Variants in ECD observed in about 807,000 individuals in gnomAD.
ECD encodes the protein protein ecdysoneless homolog.
ECD carries 59 observed loss-of-function variants against 77.2 expected under a neutral mutation model. That is an observed-to-expected ratio of 0.76 (90% CI 0.62 to 0.95). ECD has a LOEUF of 0.95. Ranked by LOEUF, ECD falls within the 40% of genes least tolerant of loss-of-function variation. The pLI is 0.00. For missense variants in ECD, 704 were observed against 763.4 expected, an observed-to-expected ratio of 0.92 and a Z score of 0.92; for synonymous variants, 233 against 267.4, an observed-to-expected ratio of 0.87 and a Z score of 1.26.
At chr10:73,139,810 T>TA in intron 9 of ECD, 73 bp from the exon 10 acceptor site, 4 of 1,128,804 alleles carry the variant, frequency 3.5e-6, no homozygotes, top group Non-Finnish European at 5.0e-6. Context: ...ACATAGTATT[T>TA]TAAGGTTGGA....
chr10:73,143,237 C>T (rs1843080953), intron 9 of ECD, among the ~76,000 whole-genome samples: 1 of 152,160 alleles, frequency 6.6e-6, no homozygotes, highest in Non-Finnish European at 1.5e-5. Flanking sequence ...GGTGCGATGT[C>T]GGCTCACTGC....
At chr10:73,138,920 A>T (rs1843012717) in intron 11 of ECD, among the ~76,000 whole-genome samples, 1 of 151,786 alleles carries the variant, frequency 6.6e-6, no homozygotes, top group African/African-American at 2.4e-5. Context: ...ATGTAGTTTC[A>T]TATTTCTGTT....
chr10:73,158,254 C>G (rs1843326641), intron 3 of ECD, among the ~76,000 whole-genome samples: 1 of 152,010 alleles, frequency 6.6e-6, no homozygotes, highest in Admixed American at 6.5e-5. Flanking sequence ...AGCCACCGCC[C>G]CAGGCCTACA....
chr10:73,136,166 C>A (rs1399193508), intron 13 of ECD, among the ~76,000 whole-genome samples: 1 of 152,024 alleles, frequency 6.6e-6, no homozygotes, highest in Admixed American at 6.6e-5. Flanking sequence ...ACAGTGGTGG[C>A]ATTAAAAACT....
At chr10:73,154,883 G>A (rs1428746037) in intron 5 of ECD, among the ~76,000 whole-genome samples, 6 of 151,676 alleles carry the variant, frequency 4.0e-5, no homozygotes, top group Non-Finnish European at 8.8e-5. Context: ...GCAGTGAGCC[G>A]AGATCACGCC....
Position 73,139,433 on chromosome 10 carries a change from T to C in ECD, c.1297A>G (p.Lys433Glu), listed in dbSNP as rs1245726453. 6.2e-7 allele frequency: 1 copy of C among 1,614,080 alleles called. No homozygotes were observed. Among genetic ancestry groups the C allele is most frequent in the African/African-American group, 1.3e-5 (1 of 74,940 alleles). ...TTGGAAACAGACTCGGATTCTTTTT[T>C]GCCAACAGCTTCCTGCAGCAGCTGG... The part of the protein sequence containing the change: ...LDQLLQEAVG[K>E]KESESVSKEE... Residue 433 changes from lysine (K) to glutamate (E), a missense_variant, in exon 11 of 14, where the codon AAA becomes GAA. Physicochemically the swap from Lys to Glu is moderately conservative, Grantham distance 56. Coordinates refer to ENST00000372979, the MANE Select transcript of ECD (RefSeq NM_007265.3).
rs944761707 is a variant in ECD at position 73,157,048 on chromosome 10, CT to C, written c.324-394del. 2.0e-3 allele frequency among the ~76,000 whole-genome samples: 289 copies of C among 145,344 alleles called. 1 individual carries two copies. Among genetic ancestry groups the C allele is most frequent in the Middle Eastern group, 3.6e-3 (1 of 276 alleles). ...AATTATTTCTGCCTCATTTGCATCA[CT>C]TTTTTTTTTTTTATTTTGGAGACGG... On this transcript the variant is annotated intron_variant, in intron 3 of 13. Transcript: ENST00000372979.
At chr10:73,146,935 T>C (rs865983274) in intron 8 of ECD, among the ~76,000 whole-genome samples, 22 of 152,262 alleles carry the variant, frequency 1.4e-4, no homozygotes, top group Admixed American at 5.2e-4. Flanking sequence ...CTTAGTATTT[T>C]ACATTTTTTA....
chr10:73,167,223 G>A (rs556729733), intron 1 of ECD, among the ~76,000 whole-genome samples: 23 of 152,198 alleles, frequency 1.5e-4, no homozygotes, highest in South Asian at 2.1e-4. Context: ...ATCTGAAGTC[G>A]GGTAATGTGA....
intron 3 of ECD, among the ~76,000 whole-genome samples, chr10:73,157,350 C>T (rs1197403311): frequency 1.3e-5 from 2 of 151,196 alleles, no homozygotes; most frequent in Non-Finnish European, 3.0e-5. Flanking sequence ...ACGCCCGGCC[C>T]GTATCACTTT....
chr10:73,157,722 C>CA (rs199864779), intron 3 of ECD, among the ~76,000 whole-genome samples: 22,646 of 140,576 alleles, frequency 0.16, 2,879 homozygotes, highest in African/African-American at 0.34. Flanking sequence ...AACTCCATCT[C>CA]AAAAAAAAAA....
chr10:73,153,683 T>C (rs1441794361), intron 6 of ECD, among the ~76,000 whole-genome samples: 1 of 126,398 alleles, frequency 7.9e-6, no homozygotes, highest in East Asian at 2.2e-4. Flanking sequence ...CTGAGATGGC[T>C]CCACTACACT....
At chr10:73,152,233 A>G (rs1215978110) in intron 7 of ECD, 60 bp downstream of exon 7, 5 of 1,570,740 alleles carry the variant, frequency 3.2e-6, no homozygotes, top group South Asian at 1.1e-5. Flanking sequence ...TTGTGCCACT[A>G]TTCTATTAAG....
chr10:73,136,940 A>C, intron 12 of ECD, 22 bp from the exon 13 acceptor site: 1 of 1,345,946 alleles, frequency 7.4e-7, no homozygotes, highest in African/African-American at 1.5e-5. Context: ...CCAAGAAAGA[A>C]AGAGCCACTT....
At position 73,139,377 on chromosome 10, in the gene ECD, A is replaced by G. The variant is rs1222451799; in HGVS notation, c.1353T>C (p.Thr451=). ...KEEKEQNYDL[T]EVSESMKAFI... ...AAGCTTTCATGCTCTCTGAGACTTC[A>G]GTTAAGTCATAGTTCTGCTCCTTCT... Residue 451 remains threonine (T), a synonymous_variant, in exon 11 of 14, where the codon ACT becomes ACC. Coordinates refer to ENST00000372979, the MANE Select transcript of ECD (RefSeq NM_007265.3). The G allele has an allele frequency of 6.2e-7, 1 of 1,614,182 alleles. No individual in the cohort carries two copies.
intron 1 of ECD, among the ~76,000 whole-genome samples, chr10:73,164,739 G>A (rs1001247560): frequency 1.3e-5 from 2 of 152,156 alleles, no homozygotes; most frequent in Admixed American, 6.5e-5. Context: ...CCAAAGTGCT[G>A]GGGTTATAGG....
intron 9 of ECD, among the ~76,000 whole-genome samples, chr10:73,140,571 A>T (rs1688139621): frequency 6.6e-6 from 1 of 151,918 alleles, no homozygotes; most frequent in Non-Finnish European, 1.5e-5. Flanking sequence ...AATCCCAGCT[A>T]CTCGGGAGGC....
intron 13 of ECD, 108 bp downstream of exon 13, chr10:73,136,596 T>C: frequency 9.9e-7 from 1 of 1,008,772 alleles, no homozygotes; most frequent in Non-Finnish European, 1.4e-6. Context: ...AACATTCTTA[T>C]TTATTTCAAA....
chr10:73,138,192 G>C, intron 11 of ECD, 122 bp from the exon 12 acceptor site: 1 of 679,672 alleles, frequency 1.5e-6, no homozygotes, highest in Non-Finnish European at 2.2e-6. Flanking sequence ...GGCACAGCAA[G>C]AAAAGTTGTA....
Sources: allele counts gnomAD v4.1 joint callset (sites outside exome capture counted in the v4.1 genomes callset), GRCh38; gene constraint gnomAD v4.1.1; transcripts MANE v1.5; gene names NCBI Gene and HGNC (gene_info 2026-07-23, HGNC 2026-07-21).